The following ZNF577 variants were observed in gnomAD, a reference collection of about 807,000 sequenced individuals.
ZNF577 encodes the protein zinc finger protein 577.
Under a neutral mutation model 13.9 loss-of-function variants are expected in ZNF577, and 14 were observed. That is an observed-to-expected ratio of 1.00 (90% CI 0.66 to 1.57). The LOEUF is 1.57. Ranked by LOEUF, ZNF577 falls within the 40% of genes most tolerant of loss-of-function variation. The pLI is 0.00. For missense variants in ZNF577, 555 were observed against 579.2 expected (o/e 0.96, Z 0.43); for synonymous variants, 203 against 202.9 (o/e 1.00, Z 0.00).
chr19:51,837,395 T>C (rs887552313), intron 9 of ZNF577, among the ~76,000 whole-genome samples: 5 of 152,152 alleles, frequency 3.3e-5, no homozygotes, highest in African/African-American at 9.7e-5. Flanking sequence ...GATTGGTTGG[T>C]TTCCAAGCCC....
chr19:51,817,394 A>G (rs2084145429), intron 9 of ZNF577, among the ~76,000 whole-genome samples: 1 of 152,170 alleles, frequency 6.6e-6, no homozygotes, highest in Non-Finnish European at 1.5e-5. Context: ...TCATAAAGAG[A>G]GAGAGAGAGA....
At chr19:51,873,758 AC>A in intron 5 of ZNF577, 52 bp from the exon 6 acceptor site, 2 of 1,355,890 alleles carry the variant, frequency 1.5e-6, no homozygotes, top group Non-Finnish European at 2.0e-6. Context: ...TTGTGTCTTT[AC>A]ATTAAAGGAA....
Position 51,867,568 on chromosome 19 carries a change from T to C in ZNF577, c.*4964A>G, listed in dbSNP as rs1357119847. The stretch of plus-strand genomic sequence containing the variant: ...GGTGGGCGGATCACAAGGTCAGGAG[T>C]TCGAGACCAGACTGGCCAACATGAT... On this transcript the variant is annotated 3_prime_UTR_variant, in exon 6 of 6. Coordinates refer to ENST00000638348, the MANE Select transcript of ZNF577 (RefSeq NM_001370449.1). Among the ~76,000 whole-genome samples, 1 of 148,928 alleles carries C rather than the reference T, an allele frequency of 6.7e-6. No homozygotes were observed. Among genetic ancestry groups the C allele is most frequent in the Non-Finnish European group, 1.5e-5 (1 of 67,172 alleles).
At chr19:51,838,358 A>G (rs1043194364) in intron 9 of ZNF577, among the ~76,000 whole-genome samples, 2 of 124,102 alleles carry the variant, frequency 1.6e-5, no homozygotes, top group Non-Finnish European at 3.4e-5. Context: ...GAAATGAAAG[A>G]CTGTCATTAG....
chr19:51,877,471 C>A (rs2084784480), intron 4 of ZNF577, 94 bp from the exon 5 acceptor site: 5 of 1,041,762 alleles, frequency 4.8e-6, no homozygotes, highest in Non-Finnish European at 7.3e-6. Context: ...AGCATTTGCA[C>A]TTTGATAAAG....
chr19:51,823,277 G>T (rs147073016), intron 9 of ZNF577, among the ~76,000 whole-genome samples: 1 of 152,092 alleles, frequency 6.6e-6, no homozygotes, highest in East Asian at 1.9e-4. Flanking sequence ...ATAGGTCAAG[G>T]GTCCTCACAG....
chr19:51,878,339 T>G, intron 4 of ZNF577, 50 bp downstream of exon 4: 2 of 1,598,674 alleles, frequency 1.3e-6, no homozygotes. Context: ...GACCGTACAG[T>G]GGTCACCAAA....
chr19:51,857,422 G>GAAAGAAAGA (rs2084445553), intron 5 of ZNF577, among the ~76,000 whole-genome samples: 4 of 108,764 alleles, frequency 3.7e-5, no homozygotes, highest in Non-Finnish European at 5.4e-5. Flanking sequence ...AAGAAAGAAA[G>GAAAGAAAGA]AAAGAAAAGA....
At position 51,873,696 on chromosome 19, in the gene ZNF577, G is replaced by A. The variant is rs201644563; in HGVS notation, c.294C>T (p.Ile98=). ...AHSQICPGFV[I]QSRRYAGKDS... ...CTTTTCCTGCATATCTTCTACTCTG[G>A]ATTACAAAACCTAAATGAGATTTCA... The change falls in exon 6 of 6, where the codon ATC becomes ATT. Residue 98 remains isoleucine, a synonymous_variant. Transcript: ENST00000638348. 6.2e-7 allele frequency: 1 copy of A among 1,605,722 alleles called. No homozygotes were observed. Among genetic ancestry groups the A allele is most frequent in the Non-Finnish European group, 8.5e-7 (1 of 1,175,740 alleles).
intron 5 of ZNF577, chr19:51,861,113 C>CTTTTTTTTTTTTTTT (rs368241227): frequency 6.0e-6 from 1 of 167,932 alleles, no homozygotes; most frequent in South Asian, 5.8e-5. Context: ...TTGACTCTCT[C>CTTTTTTTTTTTTTTT]TTTTTTTTTT....
intron 1 of ZNF577, among the ~76,000 whole-genome samples, chr19:51,885,348 T>A (rs1292268067): frequency 6.6e-6 from 1 of 152,204 alleles, no homozygotes; most frequent in African/African-American, 2.4e-5. Context: ...TACAGAAAGT[T>A]TGCCAGCAAT....
At chr19:51,860,283 G>C (rs1477216164) in intron 5 of ZNF577, 1 of 152,178 alleles carries the variant, frequency 6.6e-6, no homozygotes, top group Non-Finnish European at 1.5e-5. Context: ...TCTGTATGGA[G>C]CAAATTCTGC....
intron 9 of ZNF577, among the ~76,000 whole-genome samples, chr19:51,830,152 A>C (rs1439543184): frequency 6.9e-6 from 1 of 143,980 alleles, no homozygotes; most frequent in Admixed American, 7.0e-5. Context: ...AAAAAAAAAA[A>C]CAGAGGAAAG....
rs1170799059 is a variant in ZNF577 at position 51,877,379 on chromosome 19, T to G, written c.188-2A>C. Reference sequence around the variant, plus strand: ...AATCTGGCTTGGTGCCTCGATACCCTGTAAATGGGAGATCACTGAACACTT... The same window carrying G: ...AATCTGGCTTGGTGCCTCGATACCCGGTAAATGGGAGATCACTGAACACTT... On this transcript the variant is annotated splice_acceptor_variant, in intron 4 of 5. Transcript: ENST00000638348. LOFTEE classifies it high-confidence loss of function. 2.5e-6 allele frequency: 4 copies of G among 1,613,144 alleles called. No individual in the cohort carries two copies. Among genetic ancestry groups the G allele is most frequent in the African/African-American group, 1.3e-5 (1 of 74,880 alleles).
intron 9 of ZNF577, among the ~76,000 whole-genome samples, chr19:51,821,693 T>C (rs2084190866): frequency 6.6e-6 from 1 of 152,070 alleles, no homozygotes. Flanking sequence ...TGCAGCATTT[T>C]AGAGTTGCAA....
chr19:51,880,316 A>C lies in ZNF577; in HGVS notation c.60+7T>G, dbSNP rs8110461. ...TTCTCAAGCTCTCACAGCAATGACA[A>C]ATTTACCTCCCCTGAAGAACTGCCT... On this transcript the variant is annotated splice_region_variant and intron_variant, in intron 3 of 5. Transcript: ENST00000638348. The C allele has an allele frequency of 0.16, 258,150 of 1,611,122 alleles. 27,300 individuals carry two copies. The highest frequency in any genetic ancestry group is 0.39 in the South Asian group (35,157 of 90,888).
At chr19:51,836,469 T>C (rs758213181) in intron 9 of ZNF577, among the ~76,000 whole-genome samples, 9 of 152,252 alleles carry the variant, frequency 5.9e-5, no homozygotes, top group Non-Finnish European at 1.3e-4. Flanking sequence ...TTGTGATGTT[T>C]GGCTTTTTTA....
chr19:51,874,124 A>G (rs2084715758), intron 5 of ZNF577, among the ~76,000 whole-genome samples: 1 of 152,250 alleles, frequency 6.6e-6, no homozygotes, highest in Non-Finnish European at 1.5e-5. Context: ...TGCCTCCCAA[A>G]TCGGACCTTG....
intron 3 of ZNF577, 49 bp from the exon 4 acceptor site, chr19:51,878,564 G>A: frequency 6.2e-7 from 1 of 1,606,572 alleles, no homozygotes; most frequent in Admixed American, 1.7e-5. Context: ...AATAGATGAT[G>A]CGGAGAAGAG....
Sources: allele counts gnomAD v4.1 joint callset (sites outside exome capture counted in the v4.1 genomes callset), GRCh38; gene constraint gnomAD v4.1.1; transcripts MANE v1.5; gene names NCBI Gene and HGNC (gene_info 2026-07-23, HGNC 2026-07-21).